GZMA: variants seen among roughly 807,000 people sequenced by gnomAD.
GZMA encodes the protein granzyme A.
Under a neutral mutation model 21.1 loss-of-function variants are expected in GZMA, and 17 were observed. The ratio of observed to expected loss-of-function variants is 0.81; its 90% CI spans 0.55 to 1.21. The LOEUF (loss-of-function observed/expected upper bound fraction) is 1.21, where lower values mean the gene tolerates loss of function less well. GZMA is among the 50% of genes most tolerant of loss of function. The pLI is 0.00. For missense variants in GZMA, 306 were observed against 315.9 expected (o/e 0.97, Z 0.24); for synonymous variants, 90 against 107.8 (o/e 0.83, Z 1.03).
Position 55,108,183 on chromosome 5 carries a change from G to C in GZMA, c.416G>C (p.Gly139Ala). 1 of 1,611,044 alleles carries C rather than the reference G, an allele frequency of 6.2e-7. No individual in the cohort carries two copies. Among genetic ancestry groups the C allele is most frequent in the South Asian group, 1.1e-5 (1 of 90,996 alleles). ...ACTATCCTTCATCTACCTAAAAAGG[G>C]GGACGATGTGAAACCAGGAACCATG... ...YVTILHLPKKGDDVKPGTMCQ... is the reference protein window; with the variant it reads ...YVTILHLPKKADDVKPGTMCQ... The change falls in exon 4 of 5, where the codon GGG (glycine) becomes GCG (alanine). Residue 139 changes from glycine (G) to alanine (A), a missense_variant. Coordinates refer to ENST00000274306, the MANE Select transcript of GZMA (RefSeq NM_006144.4).
chr5:55,105,698 C>A (rs1408532625), intron 2 of GZMA, 80 bp downstream of exon 2: 3 of 1,269,412 alleles, frequency 2.4e-6, no homozygotes, highest in Admixed American at 1.7e-5. Context: ...GTAGGCCGGG[C>A]ACAGTGGCTT....
At chr5:55,109,412 C>A (rs1481796711) in intron 4 of GZMA, among the ~76,000 whole-genome samples, 2 of 152,150 alleles carry the variant, frequency 1.3e-5, no homozygotes, top group Non-Finnish European at 2.9e-5. Context: ...ACTTGGCAAT[C>A]CTTGCCTGTT....
intron 2 of GZMA, among the ~76,000 whole-genome samples, chr5:55,106,595 T>C (rs981699729): frequency 6.6e-6 from 1 of 152,162 alleles, no homozygotes; most frequent in Non-Finnish European, 1.5e-5. Context: ...CATGGAAGGG[T>C]GAAACTTTCA....
Position 55,108,180 on chromosome 5 carries a change from A to T in GZMA, c.413A>T (p.Lys138Met), listed in dbSNP as rs1400212696. ...GTGACTATCCTTCATCTACCTAAAA[A>T]GGGGGACGATGTGAAACCAGGAACC... The part of the protein sequence containing the change: ...KYVTILHLPK[K>M]GDDVKPGTMC... The change falls in exon 4 of 5, where the codon AAG becomes ATG. Residue 138 changes from lysine (K) to methionine (M), a missense_variant. Transcript: ENST00000274306. 1 of 1,610,336 alleles carries T rather than the reference A, an allele frequency of 6.2e-7. No individual in the cohort carries two copies. Among genetic ancestry groups the T allele is most frequent in the African/African-American group, 1.3e-5 (1 of 74,956 alleles).
In GZMA at chr5:55,110,104, T is replaced by C. The variant is rs371703377; in HGVS notation, c.711T>C (p.Pro237=). ...GCCTTGAAAATAAATGCGGAGACCC[T>C]CGTGGGCCTGGTGTCTATATTCTTC... ...SFGLENKCGD[P]RGPGVYILLS... The change falls in exon 5 of 5, where the codon CCT becomes CCC. Residue 237 remains proline, a synonymous_variant. Coordinates refer to ENST00000274306, the MANE Select transcript of GZMA (RefSeq NM_006144.4). 1.9e-6 allele frequency: 3 copies of C among 1,612,368 alleles called. No individual in the cohort carries two copies. Among genetic ancestry groups the C allele is most frequent in the Non-Finnish European group, 2.5e-6 (3 of 1,178,824 alleles).
At chr5:55,106,782 C>G (rs920419510) in intron 2 of GZMA, among the ~76,000 whole-genome samples, 25 of 152,172 alleles carry the variant, frequency 1.6e-4, no homozygotes, top group African/African-American at 5.8e-4. Context: ...AATCAAGCCT[C>G]TAAACCTAGG....
At chr5:55,103,326 A>C (rs1397636240) in intron 1 of GZMA, among the ~76,000 whole-genome samples, 1 of 152,202 alleles carries the variant, frequency 6.6e-6, no homozygotes, top group Non-Finnish European at 1.5e-5. Context: ...AATTATTAGA[A>C]TTTTTATACT....
Position 55,107,808 on chromosome 5 carries a change from A to AG in GZMA, c.232dup (p.Val78GlyfsTer21). On this transcript the variant is annotated frameshift_variant, in exon 3 of 5. Transcript: ENST00000274306. LOFTEE classifies it high-confidence loss of function. ...TCTGTTCTCAGGAACAAAAGGTCCC[A>AG]GGTCATTCTTGGGGCTCACTCAATA... The AG allele has an allele frequency of 1.2e-6, 2 of 1,612,828 alleles. No individual in the cohort carries two copies. Among genetic ancestry groups the AG allele is most frequent in the Non-Finnish European group, 1.7e-6 (2 of 1,178,950 alleles).
At chr5:55,105,077 A>G (rs553767535) in intron 1 of GZMA, among the ~76,000 whole-genome samples, 13 of 152,324 alleles carry the variant, frequency 8.5e-5, no homozygotes, top group Non-Finnish European at 1.5e-4. Flanking sequence ...TAAAAGTCTT[A>G]TCTATTTCCC....
In GZMA at chr5:55,110,132, T is replaced by C; in HGVS notation, c.739T>C (p.Ser247Pro). Residue 247 changes from serine (S) to proline (P), a missense_variant, in exon 5 of 5, where the codon TCA becomes CCA. Coordinates refer to ENST00000274306, the MANE Select transcript of GZMA (RefSeq NM_006144.4). Reference protein sequence around the residue: ...PRGPGVYILLSKKHLNWIIMT... With the variant: ...PRGPGVYILLPKKHLNWIIMT... ...TGGGCCTGGTGTCTATATTCTTCTCTCAAAGAAACACCTCAACTGGATAAT... is the reference window on the plus strand; with the variant it reads ...TGGGCCTGGTGTCTATATTCTTCTCCCAAAGAAACACCTCAACTGGATAAT... The C allele has an allele frequency of 1.2e-6, 2 of 1,611,412 alleles. No homozygotes were observed. Among genetic ancestry groups the C allele is most frequent in the South Asian group, 1.1e-5 (1 of 90,766 alleles).
Position 55,110,225 on chromosome 5 carries a change from A to G in GZMA, c.*43A>G. On this transcript the variant is annotated 3_prime_UTR_variant, in exon 5 of 5. Coordinates refer to ENST00000274306, the MANE Select transcript of GZMA (RefSeq NM_006144.4). ...TTTACTGTGGCTTCTTAATCTTTTC[A>G]CAAATAAAATCAATTTGCATGACTG... 3 of 1,432,962 alleles carry G rather than the reference A, an allele frequency of 2.1e-6. No individual in the cohort carries two copies. The highest frequency in any genetic ancestry group is 2.9e-6 in the Non-Finnish European group (3 of 1,049,196). The allele number at this position is 1,432,962 out of a possible 1,614,324, so 88.8% of individuals were successfully genotyped here.
intron 2 of GZMA, among the ~76,000 whole-genome samples, chr5:55,106,318 T>TAAAATAAAATAAAATACAAA (rs1415586937): frequency 7.8e-6 from 1 of 128,340 alleles, no homozygotes; most frequent in African/African-American, 3.5e-5. Flanking sequence ...TAAAATAAAA[T>TAAAATAAAATAAAATACAAA]ATAAAATAAA....
rs200886364 is a variant in GZMA at position 55,108,421 on chromosome 5, A to G, written c.627+27A>G. 3.2e-6 allele frequency: 5 copies of G among 1,583,206 alleles called. No individual in the cohort carries two copies. In the Admixed American group the frequency reaches 6.8e-5, roughly 22 times the overall value. The stretch of plus-strand genomic sequence containing the variant: ...TAAGTAAAATAAGATCCCACGTTTC[A>G]GCTATTGAATTAAGTCATGCAGACA... On this transcript the variant is annotated intron_variant, in intron 4 of 4. Coordinates refer to ENST00000274306, the MANE Select transcript of GZMA (RefSeq NM_006144.4).
chr5:55,108,164 C>T lies in GZMA; in HGVS notation c.397C>T (p.Leu133Phe), dbSNP rs764138358. The change falls in exon 4 of 5, where the codon CTT becomes TTT. Residue 133 changes from leucine (L) to phenylalanine (F), a missense_variant. Physicochemically the swap from Leu to Phe is conservative, Grantham distance 22. Coordinates refer to ENST00000274306, the MANE Select transcript of GZMA (RefSeq NM_006144.4). ...AAAAATTAACAAATATGTGACTATC[C>T]TTCATCTACCTAAAAAGGGGGACGA... ...KAKINKYVTILHLPKKGDDVK... is the reference protein window; with the variant it reads ...KAKINKYVTIFHLPKKGDDVK... 57 of 1,608,818 alleles carry T rather than the reference C, an allele frequency of 3.5e-5. No homozygotes were observed. The Admixed American group carries it at 9.3e-4, about 26-fold the overall frequency.
chr5:55,105,689 T>G, intron 2 of GZMA, 71 bp downstream of exon 2: 1 of 1,378,604 alleles, frequency 7.3e-7, no homozygotes, highest in Non-Finnish European at 1.0e-6. Flanking sequence ...ATAAAAAGAG[T>G]AGGCCGGGCA....
chr5:55,108,897 T>C (rs1350015026), intron 4 of GZMA, among the ~76,000 whole-genome samples: 2 of 152,188 alleles, frequency 1.3e-5, no homozygotes, highest in Non-Finnish European at 2.9e-5. Flanking sequence ...CTTAGTTTAA[T>C]CTGCAGCAAA....
At chr5:55,106,423 G>A (rs1268360985) in intron 2 of GZMA, among the ~76,000 whole-genome samples, 1 of 152,066 alleles carries the variant, frequency 6.6e-6, no homozygotes, top group African/African-American at 2.4e-5. Flanking sequence ...GCACTTGCTT[G>A]AGCCTAAAAG....
In GZMA at chr5:55,104,558, C is replaced by T. The variant is rs181743930; in HGVS notation, c.71-916C>T. 1.3e-3 allele frequency among the ~76,000 whole-genome samples: 195 copies of T among 152,240 alleles called. 1 individual carries two copies. The highest frequency in any genetic ancestry group is 2.1e-3 in the Non-Finnish European group (140 of 68,020). On this transcript the variant is annotated intron_variant, in intron 1 of 4. Coordinates refer to ENST00000274306, the MANE Select transcript of GZMA (RefSeq NM_006144.4). ...CCTGTGAATTTGGCAATGACTTAGT[C>T]CTAATTATGGAACAAGAGGCACTGT...
rs778862442 is a variant in GZMA at position 55,105,506 on chromosome 5, G to C, written c.103G>C (p.Val35Leu). ...VCEKIIGGNEVTPHSRPYMVL... is the reference protein window; with the variant it reads ...VCEKIIGGNELTPHSRPYMVL... ...TGAAAAAATTATTGGAGGAAATGAA[G>C]TAACTCCTCATTCAAGACCCTACAT... The change falls in exon 2 of 5, where the codon GTA becomes CTA. Residue 35 changes from valine (V) to leucine (L), a missense_variant. Val to Leu is a conservative substitution (Grantham distance 32, BLOSUM62 1). Coordinates refer to ENST00000274306, the MANE Select transcript of GZMA (RefSeq NM_006144.4). 1 of 1,611,982 alleles carries C rather than the reference G, an allele frequency of 6.2e-7. No individual in the cohort carries two copies. The highest frequency in any genetic ancestry group is 1.1e-5 in the South Asian group (1 of 90,984).
Sources: allele counts gnomAD v4.1 joint callset (sites outside exome capture counted in the v4.1 genomes callset), GRCh38; gene constraint gnomAD v4.1.1; transcripts MANE v1.5; gene names NCBI Gene and HGNC (gene_info 2026-07-23, HGNC 2026-07-21).